Variants in MEGF9 observed in about 807,000 individuals in gnomAD.
MEGF9 encodes the protein multiple epidermal growth factor-like domains protein 9.
Under a neutral mutation model 46.8 loss-of-function variants are expected in MEGF9, and 6 were observed. The ratio of observed to expected loss-of-function variants is 0.13; its 90% CI spans 0.07 to 0.25. The LOEUF (loss-of-function observed/expected upper bound fraction) is 0.25. MEGF9 is among the 10% of genes least tolerant of loss of function. The probability of loss-of-function intolerance (pLI) is 1.00; values close to 1 mark genes in which losing one functional copy is unlikely to be tolerated. For synonymous variants in MEGF9, 302 were observed against 330.7 expected, an observed-to-expected ratio of 0.91 and a Z score of 0.94; for missense variants, 683 against 792.4, an observed-to-expected ratio of 0.86 and a Z score of 1.66.
intron 1 of MEGF9, among the ~76,000 whole-genome samples, chr9:120,661,552 T>C (rs1463184833): frequency 3.3e-5 from 5 of 152,130 alleles, no homozygotes; most frequent in Non-Finnish European, 5.9e-5. Context: ...TAAATAAATA[T>C]TGGCAGCTTA....
chr9:120,604,992 A>C lies in MEGF9; in HGVS notation c.*198T>G, dbSNP rs569304313. ...ATACTTTACTTCAAGTCCTAATGAC[A>C]GTGAACGCTTCAGATCTTCATGGGA... On this transcript the variant is annotated 3_prime_UTR_variant, in exon 6 of 6. Transcript: ENST00000373930. The C allele has an allele frequency of 2.8e-4, 170 of 601,852 alleles. 2 individuals are homozygous for C. The South Asian group carries it at 3.5e-3, about 13-fold the overall frequency. The allele number at this position is 601,852 out of a possible 1,614,324, so 37.3% of individuals were successfully genotyped here. A position where few individuals can be genotyped will look rare whatever the true frequency, so the allele number is the denominator to read the frequency against.
At chr9:120,686,623 A>G (rs1027963803) in intron 1 of MEGF9, among the ~76,000 whole-genome samples, 42 of 152,220 alleles carry the variant, frequency 2.8e-4, no homozygotes, top group African/African-American at 9.4e-4. Flanking sequence ...AAGTGCTGGA[A>G]GTTAGAGATC....
intron 1 of MEGF9, among the ~76,000 whole-genome samples, chr9:120,699,659 G>A (rs1013641840): frequency 6.7e-6 from 1 of 150,032 alleles, no homozygotes; most frequent in Non-Finnish European, 1.5e-5. Context: ...GGAGTTCGAG[G>A]CTGCAGTGAG....
intron 3 of MEGF9, among the ~76,000 whole-genome samples, chr9:120,617,026 G>T (rs1269859339): frequency 6.6e-6 from 1 of 152,072 alleles, no homozygotes; most frequent in East Asian, 1.9e-4. Context: ...ATAAGCTGAA[G>T]TTTAACATTG....
chr9:120,650,962 T>C (rs777902395), intron 2 of MEGF9, among the ~76,000 whole-genome samples: 2 of 152,224 alleles, frequency 1.3e-5, no homozygotes, highest in Non-Finnish European at 2.9e-5. Context: ...TGAACTACTA[T>C]ACTTACAAAT....
rs760505154 is a variant in MEGF9, at chr9:120,659,491, C to T, written c.686G>A (p.Gly229Asp). The T allele has an allele frequency of 4.0e-5, 64 of 1,613,690 alleles. 1 individual carries two copies. In the South Asian group the frequency reaches 6.7e-4, roughly 17 times the overall value. Residue 229 changes from glycine to aspartate, a missense_variant, in exon 2 of 6, where the codon GGT becomes GAT. Physicochemically the swap from Gly to Asp is moderately conservative, Grantham distance 94. Transcript: ENST00000373930. Reference sequence around the variant, plus strand: ...GGTTTCACAGTGAAGCCCCTGATAACCTGGCCGACACTCACACTGCCCTGT... The same window carrying T: ...GGTTTCACAGTGAAGCCCCTGATAATCTGGCCGACACTCACACTGCCCTGT... ...QTTGQCECRP[G>D]YQGLHCETCK... is the part of the protein sequence containing the mutation.
At chr9:120,691,248 C>T (rs1209679544) in intron 1 of MEGF9, among the ~76,000 whole-genome samples, 1 of 152,086 alleles carries the variant, frequency 6.6e-6, no homozygotes, top group Non-Finnish European at 1.5e-5. Flanking sequence ...TTAGCTCTAG[C>T]AACATAAATG....
At chr9:120,677,164 G>A (rs941707083) in intron 1 of MEGF9, among the ~76,000 whole-genome samples, 1 of 151,428 alleles carries the variant, frequency 6.6e-6, no homozygotes, top group Non-Finnish European at 1.5e-5. Flanking sequence ...GATCTCCCTC[G>A]GTCGCCCAGG....
chr9:120,672,698 C>T, intron 1 of MEGF9, among the ~76,000 whole-genome samples: 1 of 152,134 alleles, frequency 6.6e-6, no homozygotes, highest in Middle Eastern at 3.2e-3. Flanking sequence ...ATGTTTATTA[C>T]AAAAATTCCT....
Position 120,659,438 on chromosome 9 carries a change from T to C in MEGF9, c.739A>G (p.Thr247Ala), listed in dbSNP as rs1416452777. Residue 247 changes from threonine (T) to alanine (A), a missense_variant, in exon 2 of 6, where the codon ACT becomes GCT. Physicochemically the swap from Thr to Ala is moderately conservative, Grantham distance 58. Coordinates refer to ENST00000373930, the MANE Select transcript of MEGF9 (RefSeq NM_001080497.3). ...TCACATGGCTGACAGAGCCCAGAAG[T>C]GTAATTTAGGTAAAAGCCCTCTTTG... ...TCKEGFYLNYTSGLCQPCDCS... is the reference protein window; with the variant it reads ...TCKEGFYLNYASGLCQPCDCS... The C allele has an allele frequency of 1.2e-6, 2 of 1,613,594 alleles. No individual in the cohort carries two copies. The highest frequency in any genetic ancestry group is 1.1e-5 in the South Asian group (1 of 91,072).
intron 3 of MEGF9, among the ~76,000 whole-genome samples, chr9:120,617,068 T>C (rs2043476073): frequency 6.6e-6 from 1 of 152,082 alleles, no homozygotes; most frequent in Non-Finnish European, 1.5e-5. Context: ...CCCCCCAAAA[T>C]ATAACAATAC....
chr9:120,697,276 T>C (rs938851635), intron 1 of MEGF9, among the ~76,000 whole-genome samples: 1 of 152,300 alleles, frequency 6.6e-6, no homozygotes, highest in East Asian at 1.9e-4. Flanking sequence ...AGAGAAGGAC[T>C]TTCATCATGT....
intron 1 of MEGF9, among the ~76,000 whole-genome samples, chr9:120,660,196 C>T (rs1587987533): frequency 6.6e-6 from 1 of 151,906 alleles, no homozygotes; most frequent in African/African-American, 2.4e-5. Flanking sequence ...TCAAACAGTT[C>T]TTTGTTGTTT....
At chr9:120,622,564 A>G (rs1224446772) in intron 3 of MEGF9, 52 bp downstream of exon 3, 5 of 1,600,150 alleles carry the variant, frequency 3.1e-6, no homozygotes, top group Non-Finnish European at 4.3e-6. Flanking sequence ...AAGATTTCCA[A>G]ATTAAAAGAA....
intron 2 of MEGF9, among the ~76,000 whole-genome samples, chr9:120,640,636 A>G (rs2043597903): frequency 6.6e-6 from 1 of 152,082 alleles, no homozygotes; most frequent in Non-Finnish European, 1.5e-5. Flanking sequence ...ATGACTTCTA[A>G]GCGCAATATT....
chr9:120,641,612 AC>A lies in MEGF9; in HGVS notation c.803+17761del, dbSNP rs556996677. ...TGCTGATTCTTGGGCCCTATCCCAG[AC>A]TTTTTTATTCAATAGGTCTGGTGTT... On this transcript the variant is annotated intron_variant, in intron 2 of 5. Transcript: ENST00000373930. 1.8e-3 allele frequency among the ~76,000 whole-genome samples: 268 copies of A among 152,300 alleles called. 1 individual carries two copies. The highest frequency in any genetic ancestry group is 6.1e-3 in the African/African-American group (253 of 41,570).
At chr9:120,647,144 G>GT (rs74313275) in intron 2 of MEGF9, among the ~76,000 whole-genome samples, 1,568 of 140,342 alleles carry the variant, frequency 0.011, 15 homozygotes, top group African/African-American at 0.016. Context: ...CTGGAAAAAA[G>GT]TTTTTTTTTT....
At chr9:120,660,771 C>G (rs2043698659) in intron 1 of MEGF9, among the ~76,000 whole-genome samples, 1 of 152,196 alleles carries the variant, frequency 6.6e-6, no homozygotes, top group Non-Finnish European at 1.5e-5. Flanking sequence ...TTTGTATTAA[C>G]ATATGTATCC....
intron 2 of MEGF9, among the ~76,000 whole-genome samples, chr9:120,633,225 T>C (rs1401836972): frequency 6.6e-6 from 1 of 152,204 alleles, no homozygotes; most frequent in African/African-American, 2.4e-5. Context: ...CAGTGGGCTT[T>C]TCTTTATTGG....
Sources: allele counts gnomAD v4.1 joint callset (sites outside exome capture counted in the v4.1 genomes callset), GRCh38; gene constraint gnomAD v4.1.1; transcripts MANE v1.5; gene names NCBI Gene and HGNC (gene_info 2026-07-23, HGNC 2026-07-21).